ANKFN1: variants seen among roughly 807,000 people sequenced by gnomAD.
ANKFN1 encodes the protein ankyrin repeat and fibronectin type-III domain-containing protein 1.
Under a neutral mutation model 108.7 loss-of-function variants are expected in ANKFN1, and 74 were observed. That is an observed-to-expected ratio of 0.68 (90% CI 0.56 to 0.83). The LOEUF (loss-of-function observed/expected upper bound fraction) is 0.83, where lower values mean the gene tolerates loss of function less well. Ranked by LOEUF, ANKFN1 falls within the 40% of genes least tolerant of loss-of-function variation. The probability of loss-of-function intolerance (pLI) is 0.00; values close to 1 mark genes in which losing one functional copy is unlikely to be tolerated. For missense variants in ANKFN1, 1,505 were observed against 1,382.3 expected (o/e 1.09, Z -1.41); for synonymous variants, 547 against 516.2 (o/e 1.06, Z -0.81).
In ANKFN1 at chr17:56,311,167, TTG is replaced by T. The variant is rs34528192; in HGVS notation, c.54-15036_54-15035del. Among the ~76,000 whole-genome samples, 134 of 147,430 alleles carry T rather than the reference TTG, an allele frequency of 9.1e-4. No homozygotes were observed. The East Asian group carries it at 0.015, about 16-fold the overall frequency. ...CTCGCTCACTCTCTCTCTCGTGTGT[TTG>T]TGTGTGTGTGTGTGTGTACCACATT... On this transcript the variant is annotated intron_variant, in intron 3 of 20. Coordinates refer to ENST00000682825, the MANE Select transcript of ANKFN1 (RefSeq NM_001370326.1).
At chr17:56,091,584 T>C (rs1486207224) in intron 4 of ANKFN1, among the ~76,000 whole-genome samples, 1 of 151,394 alleles carries the variant, frequency 6.6e-6, no homozygotes, top group African/African-American at 2.4e-5. Flanking sequence ...TATTTCCACT[T>C]ATCAAGAAAT....
chr17:56,326,178 T>C (rs768845200), intron 3 of ANKFN1, 43 bp from the exon 4 acceptor site: 3 of 1,561,794 alleles, frequency 1.9e-6, no homozygotes, highest in Non-Finnish European at 2.6e-6. Context: ...GGACTTCGGC[T>C]CTTGCCTGTA....
At chr17:56,453,524 G>C (rs1369288345) in intron 11 of ANKFN1, among the ~76,000 whole-genome samples, 1 of 152,090 alleles carries the variant, frequency 6.6e-6, no homozygotes, top group Admixed American at 6.5e-5. Context: ...GGAGTCCTCT[G>C]TCCTGCTCCA....
chr17:56,336,497 T>C (rs779782273), intron 4 of ANKFN1, among the ~76,000 whole-genome samples: 3 of 152,220 alleles, frequency 2.0e-5, no homozygotes, highest in African/African-American at 4.8e-5. Flanking sequence ...TTTTCTAGTT[T>C]ATTTGTGTAG....
chr17:56,429,897 A>G (rs777808857), intron 8 of ANKFN1, among the ~76,000 whole-genome samples: 1 of 152,178 alleles, frequency 6.6e-6, no homozygotes, highest in Non-Finnish European at 1.5e-5. Context: ...TTGTGCTGGT[A>G]GAGTTGAAAA....
intron 20 of ANKFN1, among the ~76,000 whole-genome samples, chr17:56,508,681 C>A (rs1158268456): frequency 6.6e-6 from 1 of 152,160 alleles, no homozygotes; most frequent in Non-Finnish European, 1.5e-5. Flanking sequence ...AGTATTTCAT[C>A]AATCCTGTCC....
At chr17:56,298,688 TAG>T (rs77243825) in intron 3 of ANKFN1, among the ~76,000 whole-genome samples, 19,216 of 152,058 alleles carry the variant, frequency 0.13, 1,457 homozygotes, top group African/African-American at 0.22. Flanking sequence ...TTTATATATA[TAG>T]AGAGAGAGAG....
chr17:56,300,846 C>T (rs2144365958), intron 3 of ANKFN1, among the ~76,000 whole-genome samples: 1 of 152,246 alleles, frequency 6.6e-6, no homozygotes, highest in South Asian at 2.1e-4. Flanking sequence ...TGCTTCTGTA[C>T]TGAGAGATCT....
chr17:56,490,034 G>A (rs2050984242), intron 18 of ANKFN1, among the ~76,000 whole-genome samples: 1 of 152,168 alleles, frequency 6.6e-6, no homozygotes, highest in African/African-American at 2.4e-5. Context: ...TGCCTCTTCA[G>A]ATCCATTCAT....
At chr17:56,455,541 AG>A (rs1455863944) in intron 11 of ANKFN1, among the ~76,000 whole-genome samples, 1 of 152,216 alleles carries the variant, frequency 6.6e-6, no homozygotes, top group Non-Finnish European at 1.5e-5. Flanking sequence ...GCCTAACAGC[AG>A]TCATATGGAC....
intron 3 of ANKFN1, among the ~76,000 whole-genome samples, chr17:56,275,628 C>CA (rs1390455999): frequency 6.6e-6 from 1 of 151,848 alleles, no homozygotes; most frequent in East Asian, 1.9e-4. Context: ...CTGTTTTGGG[C>CA]AAAAAAAGTA....
chr17:56,208,225 A>G (rs141954029), intron 1 of ANKFN1, among the ~76,000 whole-genome samples: 19 of 152,128 alleles, frequency 1.2e-4, no homozygotes, highest in African/African-American at 4.1e-4. Context: ...TACCTGACCA[A>G]CACCAGGCTG....
chr17:56,292,296 G>T (rs1434907497), intron 3 of ANKFN1, among the ~76,000 whole-genome samples: 4 of 152,270 alleles, frequency 2.6e-5, no homozygotes, highest in Admixed American at 6.5e-5. Context: ...AGTCAAATCA[G>T]ATTTTAGTAC....
chr17:56,054,986 G>A (rs1314628017), intron 4 of ANKFN1, among the ~76,000 whole-genome samples: 1 of 151,734 alleles, frequency 6.6e-6, no homozygotes, highest in Non-Finnish European at 1.5e-5. Context: ...TAACATTTTT[G>A]TTCATCGTTG....
chr17:56,342,802 A>G (rs2045993761), intron 4 of ANKFN1, among the ~76,000 whole-genome samples: 1 of 151,936 alleles, frequency 6.6e-6, no homozygotes, highest in South Asian at 2.1e-4. Context: ...ATAGATATCT[A>G]TCAGGTCCAT....
rs1239689972 is a variant in ANKFN1 at position 56,353,868 on chromosome 17, A to C, written c.423A>C (p.Ala141=). ...NFQGNEAMFE[A]VEQQDMDAVQ... ...AGGGCAATGAAGCCATGTTTGAGGCAGTCGAACAGCAGGACATGGATGCTG... is the reference window on the plus strand; with the variant it reads ...AGGGCAATGAAGCCATGTTTGAGGCCGTCGAACAGCAGGACATGGATGCTG... Residue 141 remains alanine (A), a synonymous_variant, in exon 6 of 21, where the codon GCA becomes GCC. Transcript: ENST00000682825. The C allele has an allele frequency of 1.2e-6, 2 of 1,614,048 alleles. No individual in the cohort carries two copies. The highest frequency in any genetic ancestry group is 2.2e-5 in the South Asian group (2 of 91,092).
At position 56,482,500 on chromosome 17, in the gene ANKFN1, C is replaced by G; in HGVS notation, c.2236C>G (p.Leu746Val). ...PYTPHSGFLN[L>V]PLQMFELVHF... ...CACCCCACACTCAGGGTTTCTTAAC[C>G]TCCCTCTTCAGATGTTTGAACTTGG... Residue 746 changes from leucine (L) to valine (V), a missense_variant, in exon 18 of 21, where the codon CTC (leucine) becomes GTC (valine). Coordinates refer to ENST00000682825, the MANE Select transcript of ANKFN1 (RefSeq NM_001370326.1). 1 of 1,612,802 alleles carries G rather than the reference C, an allele frequency of 6.2e-7. No individual in the cohort carries two copies. The highest frequency in any genetic ancestry group is 8.5e-7 in the Non-Finnish European group (1 of 1,179,370).
intron 4 of ANKFN1, among the ~76,000 whole-genome samples, chr17:56,070,786 G>T (rs1905112320): frequency 6.6e-6 from 1 of 151,312 alleles, no homozygotes; most frequent in Non-Finnish European, 1.5e-5. Context: ...CCAGGCTGGG[G>T]TGCAGTGGCG....
chr17:56,121,671 G>T (rs1338575098), intron 4 of ANKFN1, among the ~76,000 whole-genome samples: 1 of 152,092 alleles, frequency 6.6e-6, no homozygotes, highest in Non-Finnish European at 1.5e-5. Flanking sequence ...TTCAGGGTTG[G>T]TAGGTTGGAC....
Sources: gnomAD v4.1 joint callset for allele counts (sites outside exome capture counted in the v4.1 genomes callset) on GRCh38, gnomAD v4.1.1 for gene constraint, MANE v1.5 for transcripts, NCBI Gene and HGNC (gene_info 2026-07-23, HGNC 2026-07-21) for gene names.